The following OLFM3 variants were observed in gnomAD, a reference collection of about 807,000 sequenced individuals.
OLFM3 encodes noelin-3.
Under a neutral mutation model 48.6 loss-of-function variants are expected in OLFM3, and 20 were observed. The ratio of observed to expected loss-of-function variants is 0.41; its 90% CI spans 0.29 to 0.60. The LOEUF (loss-of-function observed/expected upper bound fraction) is 0.60. Among genes scored for constraint, OLFM3 ranks in the 20% least tolerant of loss-of-function variants. OLFM3 has a pLI of 0.28. For synonymous variants in OLFM3, 222 were observed against 198.1 expected, an observed-to-expected ratio of 1.12 and a Z score of -1.01; for missense variants, 437 against 544.3, an observed-to-expected ratio of 0.80 and a Z score of 1.96.
intron 1 of OLFM3, among the ~76,000 whole-genome samples, chr1:101,924,231 C>G (rs962658449): frequency 1.3e-5 from 2 of 152,112 alleles, no homozygotes; most frequent in Non-Finnish European, 1.5e-5. Context: ...ATTATTTGCA[C>G]AATAGTGGAT....
chr1:101,902,755 G>T (rs558336320), intron 1 of OLFM3, among the ~76,000 whole-genome samples: 2 of 152,048 alleles, frequency 1.3e-5, no homozygotes, highest in Non-Finnish European at 2.9e-5. Context: ...AACAGCGTAC[G>T]TATACTATCT....
chr1:101,945,021 A>C (rs1659912857), intron 1 of OLFM3, among the ~76,000 whole-genome samples: 1 of 152,228 alleles, frequency 6.6e-6, no homozygotes, highest in Admixed American at 6.5e-5. Flanking sequence ...GAATACATAA[A>C]ATTATAAAGA....
chr1:101,805,993 C>A, intron 5 of OLFM3, 83 bp downstream of exon 5: 14 of 941,380 alleles, frequency 1.5e-5, no homozygotes, highest in South Asian at 7.4e-5. Context: ...AACAAATATC[C>A]CTGAAGAAAA....
intron 1 of OLFM3, among the ~76,000 whole-genome samples, chr1:101,970,977 T>C (rs1056564975): frequency 1.2e-4 from 18 of 152,216 alleles, no homozygotes; most frequent in Admixed American, 5.2e-4. Context: ...AGATGAGCAA[T>C]GTACAGCCAG....
chr1:101,916,401 C>CCT (rs142104696), intron 1 of OLFM3, among the ~76,000 whole-genome samples: 6 of 150,496 alleles, frequency 4.0e-5, no homozygotes, highest in South Asian at 4.2e-4. Flanking sequence ...AATGTCTCTC[C>CCT]TTTTTTTTTA....
intron 1 of OLFM3, among the ~76,000 whole-genome samples, chr1:101,923,400 T>C (rs1659162218): frequency 6.6e-6 from 1 of 152,182 alleles, no homozygotes; most frequent in African/African-American, 2.4e-5. Context: ...TTAACTTACA[T>C]TTTTGCACTA....
At chr1:101,963,421 C>T (rs1372955555) in intron 1 of OLFM3, among the ~76,000 whole-genome samples, 1 of 152,100 alleles carries the variant, frequency 6.6e-6, no homozygotes, top group Non-Finnish European at 1.5e-5. Context: ...GCAGAAAATC[C>T]ACTTCAAAGT....
intron 1 of OLFM3, among the ~76,000 whole-genome samples, chr1:101,933,836 CGAA>C (rs759985494): frequency 2.6e-5 from 4 of 152,030 alleles, no homozygotes; most frequent in Admixed American, 6.5e-5. Flanking sequence ...AAAAAAAATC[CGAA>C]GAAGAATTTT....
chr1:101,858,262 A>T (rs903935145), intron 1 of OLFM3, among the ~76,000 whole-genome samples: 1 of 152,056 alleles, frequency 6.6e-6, no homozygotes, highest in Non-Finnish European at 1.5e-5. Flanking sequence ...CCAAAAATAT[A>T]TGTAGAATTA....
chr1:101,925,637 G>A (rs1659248413), intron 1 of OLFM3, among the ~76,000 whole-genome samples: 1 of 152,140 alleles, frequency 6.6e-6, no homozygotes, highest in African/African-American at 2.4e-5. Flanking sequence ...TCCTGCTTCA[G>A]CCTCTTGAGT....
chr1:101,835,059 TG>T (rs1655334911), intron 2 of OLFM3, among the ~76,000 whole-genome samples: 1 of 152,168 alleles, frequency 6.6e-6, no homozygotes, highest in Non-Finnish European at 1.5e-5. Context: ...AATGCTGTAC[TG>T]AAAAATAGCA....
At chr1:101,829,993 C>T (rs188923572) in intron 3 of OLFM3, among the ~76,000 whole-genome samples, 1 of 151,994 alleles carries the variant, frequency 6.6e-6, no homozygotes, top group Admixed American at 6.5e-5. Flanking sequence ...CACCACCACA[C>T]CCGGCTAATT....
At chr1:101,901,975 T>G (rs138173494) in intron 1 of OLFM3, among the ~76,000 whole-genome samples, 1 of 151,664 alleles carries the variant, frequency 6.6e-6, no homozygotes, top group Non-Finnish European at 1.5e-5. Context: ...TGCGTGGAGA[T>G]GAGATAAAAA....
intron 1 of OLFM3, among the ~76,000 whole-genome samples, chr1:101,961,454 G>C (rs1275677150): frequency 1.3e-5 from 2 of 151,986 alleles, no homozygotes; most frequent in South Asian, 2.1e-4. Flanking sequence ...TAGTGAAAAA[G>C]AGTAGAGATA....
intron 3 of OLFM3, among the ~76,000 whole-genome samples, chr1:101,825,614 C>T (rs1384374336): frequency 6.6e-6 from 1 of 152,144 alleles, no homozygotes; most frequent in Non-Finnish European, 1.5e-5. Context: ...CAGAATCCAT[C>T]TTCTAATTAT....
chr1:101,932,736 C>A (rs2101049894), intron 1 of OLFM3, among the ~76,000 whole-genome samples: 1 of 152,302 alleles, frequency 6.6e-6, no homozygotes, highest in Admixed American at 6.5e-5. Context: ...ACTCTGGTAA[C>A]TCAAAAATCC....
At chr1:101,849,127 A>C (rs1656126534) in intron 1 of OLFM3, among the ~76,000 whole-genome samples, 1 of 152,244 alleles carries the variant, frequency 6.6e-6, no homozygotes, top group Non-Finnish European at 1.5e-5. Flanking sequence ...TAGAAGCTAA[A>C]CTGTGTTGTT....
At chr1:101,906,371 C>G (rs1282297909) in intron 1 of OLFM3, among the ~76,000 whole-genome samples, 1 of 151,946 alleles carries the variant, frequency 6.6e-6, no homozygotes, top group African/African-American at 2.4e-5. Context: ...CTGTGCATTG[C>G]CTCTTAAGTA....
intron 4 of OLFM3, among the ~76,000 whole-genome samples, chr1:101,810,463 C>T (rs1177636659): frequency 6.6e-6 from 1 of 151,976 alleles, no homozygotes; most frequent in Non-Finnish European, 1.5e-5. Context: ...TCTAAGCATA[C>T]AATTTTCCAG....
Sources: allele counts gnomAD v4.1 joint callset (sites outside exome capture counted in the v4.1 genomes callset), GRCh38; gene constraint gnomAD v4.1.1; transcripts MANE v1.5; gene names NCBI Gene and HGNC (gene_info 2026-07-23, HGNC 2026-07-21).